LNX1: variants seen among roughly 807,000 people sequenced by gnomAD.
LNX1 encodes E3 ubiquitin-protein ligase LNX.
A neutral mutation model predicts 68.4 loss-of-function variants in LNX1; 54 were observed. The observed-to-expected ratio is 0.79, with a 90% CI of 0.63 to 0.99. The LOEUF (loss-of-function observed/expected upper bound fraction) is 0.99. Among genes scored for constraint, LNX1 ranks in the 50% least tolerant of loss-of-function variants. The pLI is 0.00. For missense variants in LNX1, 906 were observed against 926.4 expected (o/e 0.98, Z 0.29); for synonymous variants, 336 against 350.0 (o/e 0.96, Z 0.45).
upstream of LNX1, among the ~76,000 whole-genome samples, chr4:53,593,673 T>C (rs947840606): frequency 1.3e-5 from 2 of 151,914 alleles, no homozygotes; most frequent in African/African-American, 4.8e-5. Context: ...AATATGGGCT[T>C]TTTTTTTGGG....
intron 9 of LNX1, among the ~76,000 whole-genome samples, chr4:53,465,379 A>G (rs767751937): frequency 2.6e-5 from 4 of 152,232 alleles, no homozygotes; most frequent in Admixed American, 6.5e-5. Flanking sequence ...CTAGTAAACT[A>G]GTATCTAATG....
rs193146415 is a variant in LNX1, at chr4:53,507,568, G to A, written c.623-99C>T. On this transcript the variant is annotated intron_variant, in intron 3 of 10. Coordinates refer to ENST00000263925, the MANE Select transcript of LNX1 (RefSeq NM_001126328.3). ...ATATACACAATAAGACATTAACAGT[G>A]ACTACCTCTGGGTGGTAGGATTGTA... is the stretch of plus-strand genomic sequence containing the variant. 111 of 1,302,872 alleles carry A rather than the reference G, an allele frequency of 8.5e-5. No homozygotes were observed. The African/African-American group carries it at 1.5e-3, about 18-fold the overall frequency. 80.7% of individuals were successfully genotyped at this position (1,302,872 alleles called of 1,614,324 possible).
At chr4:53,540,636 TGCGCCACTGCACTCCA>T (rs1728692297) in intron 2 of LNX1, among the ~76,000 whole-genome samples, 1 of 151,306 alleles carries the variant, frequency 6.6e-6, no homozygotes, top group African/African-American at 2.4e-5. Context: ...GAGCCGAGAT[TGCGCCACTGCACTCCA>T]GCCTGGGCAA....
At chr4:53,627,059 G>T (rs1467183802) in intron 1 of LNX1, among the ~76,000 whole-genome samples, 3 of 152,184 alleles carry the variant, frequency 2.0e-5, no homozygotes, top group African/African-American at 7.2e-5. Context: ...TTCTGCAGGA[G>T]TTCCTCTTGT....
intron 2 of LNX1, among the ~76,000 whole-genome samples, chr4:53,611,988 A>C (rs1170435789): frequency 6.6e-6 from 1 of 152,220 alleles, no homozygotes; most frequent in East Asian, 1.9e-4. Context: ...TAGTGTGAAC[A>C]CTAGTTATCA....
chr4:53,543,830 A>C (rs1220520027), intron 2 of LNX1, among the ~76,000 whole-genome samples: 1 of 152,248 alleles, frequency 6.6e-6, no homozygotes, highest in African/African-American at 2.4e-5. Flanking sequence ...GAAACTGGGA[A>C]AGAAAAAACA....
chr4:53,528,686 G>A (rs35428205), intron 2 of LNX1, among the ~76,000 whole-genome samples: 107,319 of 151,534 alleles, frequency 0.71, 40,390 homozygotes, highest in Non-Finnish European at 0.82. Context: ...GATAAGGGGG[G>A]GACTACTGTA....
At chr4:53,495,930 G>T in intron 6 of LNX1, 93 bp downstream of exon 6, 1 of 1,421,552 alleles carries the variant, frequency 7.0e-7, no homozygotes, top group Non-Finnish European at 9.6e-7. Context: ...CATGACACAT[G>T]TGGTAGTGAC....
intron 2 of LNX1, among the ~76,000 whole-genome samples, chr4:53,526,144 T>C (rs771601884): frequency 1.3e-5 from 2 of 152,144 alleles, no homozygotes; most frequent in Non-Finnish European, 2.9e-5. Flanking sequence ...TACGCCACGT[T>C]CAGCAGGAAA....
intron 2 of LNX1, among the ~76,000 whole-genome samples, chr4:53,532,211 C>T (rs1728068327): frequency 2.0e-5 from 3 of 152,246 alleles, no homozygotes; most frequent in East Asian, 1.9e-4. Context: ...CACGGTGGCT[C>T]ATGCCTATAA....
intron 9 of LNX1, among the ~76,000 whole-genome samples, chr4:53,468,804 T>A (rs1211709604): frequency 6.6e-6 from 1 of 152,202 alleles, no homozygotes; most frequent in East Asian, 1.9e-4. Context: ...CCTAAATATA[T>A]ATGCACCCAA....
At chr4:53,625,869 G>GTGTA (rs1734057447) in intron 1 of LNX1, among the ~76,000 whole-genome samples, 3 of 151,622 alleles carry the variant, frequency 2.0e-5, no homozygotes, top group Non-Finnish European at 4.4e-5. Flanking sequence ...GTGTGTGTGT[G>GTGTA]TGTGTGTGTG....
At chr4:53,620,183 G>C (rs576773552), upstream of LNX1, among the ~76,000 whole-genome samples, 1 of 152,148 alleles carries the variant, frequency 6.6e-6, no homozygotes, top group African/African-American at 2.4e-5. Flanking sequence ...TCTGTCATCT[G>C]TCTATTTATC....
intron 1 of LNX1, among the ~76,000 whole-genome samples, chr4:53,633,521 C>T (rs1364818837): frequency 6.6e-6 from 1 of 152,032 alleles, no homozygotes; most frequent in Non-Finnish European, 1.5e-5. Flanking sequence ...TGGGCTATGG[C>T]CAGGGAAGCT....
At chr4:53,514,482 G>A (rs1242446249) in intron 2 of LNX1, among the ~76,000 whole-genome samples, 8 of 102,792 alleles carry the variant, frequency 7.8e-5, no homozygotes, top group Non-Finnish European at 1.0e-4. Flanking sequence ...ATGGCGGCAG[G>A]CAAGAGGGCT....
At chr4:53,465,088 C>A (rs561014120) in intron 9 of LNX1, among the ~76,000 whole-genome samples, 24 of 152,066 alleles carry the variant, frequency 1.6e-4, no homozygotes, top group Non-Finnish European at 3.5e-4. Context: ...TTGCATTTTG[C>A]CCTTTGATGT....
At chr4:53,628,764 G>T (rs1255915726) in intron 1 of LNX1, among the ~76,000 whole-genome samples, 1 of 151,848 alleles carries the variant, frequency 6.6e-6, no homozygotes, top group Non-Finnish European at 1.5e-5. Context: ...AAAAACCGTG[G>T]TACAAGTATA....
intron 2 of LNX1, among the ~76,000 whole-genome samples, chr4:53,515,507 G>GC (rs200893538): frequency 6.8e-5 from 10 of 146,940 alleles, no homozygotes; most frequent in South Asian, 2.2e-4. Context: ...TCAATTTAAG[G>GC]CCCCCACCCC....
rs962041465 is a variant in LNX1 at position 53,460,054 on chromosome 4, T to C, written c.*853A>G. 2.0e-5 allele frequency: 2 copies of C among 99,862 alleles called. No individual in the cohort carries two copies. The highest frequency in any genetic ancestry group is 1.1e-4 in the African/African-American group (2 of 19,026). 6.2% of individuals were successfully genotyped at this position (99,862 alleles called of 1,614,324 possible). On this transcript the variant is annotated 3_prime_UTR_variant, in exon 11 of 11. Coordinates refer to ENST00000263925, the MANE Select transcript of LNX1 (RefSeq NM_001126328.3). Reference sequence around the variant, plus strand: ...AGGCATCTGGGTGGCCTCTATGAAATAAATTAATTAATTACCCATAGTGTA... The same window carrying C: ...AGGCATCTGGGTGGCCTCTATGAAACAAATTAATTAATTACCCATAGTGTA...
Sources: allele counts gnomAD v4.1 joint callset (sites outside exome capture counted in the v4.1 genomes callset), GRCh38; gene constraint gnomAD v4.1.1; transcripts MANE v1.5; gene names NCBI Gene and HGNC (gene_info 2026-07-23, HGNC 2026-07-21).